Variants in SLIT1 observed in about 807,000 individuals in gnomAD.
The protein encoded by SLIT1 is slit guidance ligand 1, also known as slit homolog 1 protein.
Under a neutral mutation model 186.1 loss-of-function variants are expected in SLIT1, and 66 were observed. The observed-to-expected ratio is 0.35, with a 90% CI of 0.29 to 0.44. The LOEUF (loss-of-function observed/expected upper bound fraction) is 0.44. Among genes scored for constraint, SLIT1 ranks in the 20% least tolerant of loss-of-function variants. The probability of loss-of-function intolerance (pLI) is 1.00; values close to 1 mark genes in which losing one functional copy is unlikely to be tolerated. For synonymous variants in SLIT1, 761 were observed against 833.8 expected (o/e 0.91, Z 1.50); for missense variants, 1,638 against 2,037.4 (o/e 0.80, Z 3.77).
chr10:97,050,416 G>T (rs1364636677), intron 13 of SLIT1, among the ~76,000 whole-genome samples: 1 of 152,154 alleles, frequency 6.6e-6, no homozygotes, highest in African/African-American at 2.4e-5. Flanking sequence ...CTGGCCCCCC[G>T]GTTGGGAGCT....
At chr10:97,147,774 C>T (rs1849834310) in intron 4 of SLIT1, among the ~76,000 whole-genome samples, 1 of 151,506 alleles carries the variant, frequency 6.6e-6, no homozygotes, top group Non-Finnish European at 1.5e-5. Context: ...AGGTCTAGAG[C>T]CCATCTACAC....
At chr10:97,048,839 G>T in intron 14 of SLIT1, 116 bp downstream of exon 14, 1 of 1,042,604 alleles carries the variant, frequency 9.6e-7, no homozygotes, top group Non-Finnish European at 1.4e-6. Context: ...AGGCAGGCAA[G>T]TGAGCAGGCG....
chr10:97,172,075 C>T (rs1850197735), intron 1 of SLIT1, among the ~76,000 whole-genome samples: 1 of 151,668 alleles, frequency 6.6e-6, no homozygotes, highest in Non-Finnish European at 1.5e-5. Context: ...CAGTGTCTTG[C>T]TCTGTCACCC....
chr10:97,158,039 T>C, intron 3 of SLIT1, 150 bp from the exon 4 acceptor site: 1 of 670,296 alleles, frequency 1.5e-6, no homozygotes, highest in Non-Finnish European at 2.7e-6. Context: ...TTACCTTCTC[T>C]GGGCCTCAGT....
Position 97,047,797 on chromosome 10 carries a change from G to T in SLIT1, c.1527C>A (p.Ser509Arg), listed in dbSNP as rs376292857. 6.2e-7 allele frequency: 1 copy of T among 1,614,096 alleles called. No homozygotes were observed. The highest frequency in any genetic ancestry group is 2.2e-5 in the East Asian group (1 of 44,880). ...EDYQLNSECN[S>R]DVVCPHKCRC... ...GGCACTTGTGGGGACAGACCACGTC[G>T]CTGTTGCACTCGCTGTTCAGCTGGT... The change falls in exon 16 of 37, where the codon AGC becomes AGA. Residue 509 changes from serine to arginine, a missense_variant. Physicochemically the swap from Ser to Arg is moderately radical, Grantham distance 110. Coordinates refer to ENST00000266058, the MANE Select transcript of SLIT1 (RefSeq NM_003061.3).
intron 4 of SLIT1, among the ~76,000 whole-genome samples, chr10:97,141,823 C>G (rs956581875): frequency 2.0e-5 from 3 of 151,654 alleles, no homozygotes; most frequent in African/African-American, 4.8e-5. Flanking sequence ...GACAGGGTCT[C>G]ACTAAGTCAT....
chr10:97,078,465 C>T (rs1288878541), intron 4 of SLIT1, among the ~76,000 whole-genome samples: 5 of 152,344 alleles, frequency 3.3e-5, no homozygotes, highest in Admixed American at 3.3e-4. Flanking sequence ...GTAACATTTC[C>T]TTGAACCCGG....
At chr10:97,121,596 C>T (rs776368726) in intron 4 of SLIT1, among the ~76,000 whole-genome samples, 1 of 152,180 alleles carries the variant, frequency 6.6e-6, no homozygotes, top group African/African-American at 2.4e-5. Context: ...TGTCAAGTAG[C>T]GGAGCCAAGA....
intron 11 of SLIT1, among the ~76,000 whole-genome samples, chr10:97,058,435 T>C (rs1330718292): frequency 5.3e-5 from 8 of 152,210 alleles, no homozygotes; most frequent in Non-Finnish European, 1.2e-4. Flanking sequence ...GAGAGCTTTA[T>C]TCACTTCTCA....
At chr10:97,013,245 A>G (rs1472718734) in intron 30 of SLIT1, among the ~76,000 whole-genome samples, 1 of 152,206 alleles carries the variant, frequency 6.6e-6, no homozygotes, top group Non-Finnish European at 1.5e-5. Context: ...GCAATCTCAC[A>G]CCAGTGCGGG....
chr10:97,100,876 G>A (rs1849345575), intron 4 of SLIT1, among the ~76,000 whole-genome samples: 1 of 152,200 alleles, frequency 6.6e-6, no homozygotes, highest in Admixed American at 6.5e-5. Flanking sequence ...AGGGCTCCCT[G>A]GCTTGCTCAG....
At chr10:97,169,273 C>T (rs1850157038) in intron 1 of SLIT1, among the ~76,000 whole-genome samples, 2 of 152,216 alleles carry the variant, frequency 1.3e-5, no homozygotes, top group Non-Finnish European at 2.9e-5. Context: ...CAGGGGAGAG[C>T]CCCTCAGCCC....
intron 4 of SLIT1, among the ~76,000 whole-genome samples, chr10:97,123,401 C>T (rs1188117968): frequency 6.6e-6 from 1 of 152,192 alleles, no homozygotes; most frequent in Non-Finnish European, 1.5e-5. Context: ...GCAAATAATG[C>T]TATGCATGGG....
At position 97,001,211 on chromosome 10, in the gene SLIT1, C is replaced by T; in HGVS notation, c.4506G>A (p.Arg1502=). 1 of 1,613,252 alleles carries T rather than the reference C, an allele frequency of 6.2e-7. No individual in the cohort carries two copies. The highest frequency in any genetic ancestry group is 1.1e-5 in the South Asian group (1 of 91,090). The change falls in exon 37 of 37, where the codon CGG becomes CGA. Residue 1502 remains arginine (R), a synonymous_variant. Transcript: ENST00000266058. ...CPGQGCCQGL[R]LKRRKFTFEC... is the part of the protein sequence containing the mutation. ...CAAAGGTGAACTTCCTCCGCTTCAGCCGAAGGCCCTGGCAGCAGCCCTGGC... is the reference window on the plus strand; with the variant it reads ...CAAAGGTGAACTTCCTCCGCTTCAGTCGAAGGCCCTGGCAGCAGCCCTGGC...
chr10:97,120,517 C>T (rs1849551215), intron 4 of SLIT1, among the ~76,000 whole-genome samples: 1 of 152,178 alleles, frequency 6.6e-6, no homozygotes, highest in Admixed American at 6.5e-5. Context: ...GTACTGGAGC[C>T]GAAACGCAGT....
intron 4 of SLIT1, among the ~76,000 whole-genome samples, chr10:97,139,677 T>C (rs1168337026): frequency 6.6e-6 from 1 of 152,134 alleles, no homozygotes; most frequent in Non-Finnish European, 1.5e-5. Context: ...AGGTAATAAA[T>C]ACTGTCCCCT....
intron 4 of SLIT1, among the ~76,000 whole-genome samples, chr10:97,077,034 G>A (rs959096523): frequency 2.6e-5 from 4 of 152,182 alleles, no homozygotes; most frequent in African/African-American, 9.6e-5. Context: ...GGCAGGCTGA[G>A]GTGGGAGGAT....
chr10:97,036,147 C>T (rs533297616), intron 22 of SLIT1, among the ~76,000 whole-genome samples: 1 of 152,268 alleles, frequency 6.6e-6, no homozygotes, highest in South Asian at 2.1e-4. Flanking sequence ...AACGATGTGC[C>T]GTGCCTTCAT....
chr10:97,179,094 C>A (rs1213631741), intron 1 of SLIT1, among the ~76,000 whole-genome samples: 6 of 152,098 alleles, frequency 3.9e-5, no homozygotes, highest in African/African-American at 1.4e-4. Context: ...CCAGTTCAAA[C>A]CCTACCTCCA....
Sources: allele counts gnomAD v4.1 joint callset (sites outside exome capture counted in the v4.1 genomes callset), GRCh38; gene constraint gnomAD v4.1.1; transcripts MANE v1.5; gene names NCBI Gene and HGNC (gene_info 2026-07-23, HGNC 2026-07-21).